The following STPG2 variants were observed in gnomAD, a reference collection of about 807,000 sequenced individuals.
STPG2 encodes sperm tail PG-rich repeat containing 2, also known as sperm-tail PG-rich repeat-containing protein 2.
Under a neutral mutation model 54.2 loss-of-function variants are expected in STPG2, and 56 were observed. The observed-to-expected ratio is 1.03, with a 90% CI of 0.83 to 1.29. The LOEUF is 1.29. Ranked by LOEUF, STPG2 falls within the 50% of genes most tolerant of loss-of-function variation. STPG2 has a pLI of 0.00. For missense variants in STPG2, 596 were observed against 544.9 expected (o/e 1.09, Z -0.93); for synonymous variants, 200 against 181.8 (o/e 1.10, Z -0.81).
chr4:97,908,064 C>A (rs1731517644), intron 8 of STPG2, among the ~76,000 whole-genome samples: 1 of 151,716 alleles, frequency 6.6e-6, no homozygotes, highest in African/African-American at 2.4e-5. Flanking sequence ...AAGAAACTAC[C>A]ATCAGAGTGA....
At chr4:97,737,975 C>T (rs1167426823) in intron 9 of STPG2, among the ~76,000 whole-genome samples, 1 of 152,118 alleles carries the variant, frequency 6.6e-6, no homozygotes, top group Non-Finnish European at 1.5e-5. Context: ...GGTCGGGTTA[C>T]CCACAAAGGG....
Position 98,065,164 on chromosome 4 carries a change from G to T in STPG2, c.612+40789C>A, listed in dbSNP as rs76371032. ...ACTAAAGGCATTCCCATAAAAAAGA[G>T]AATAAATGCCAGATAACACCATTAT... is the stretch of plus-strand genomic sequence containing the variant. On this transcript the variant is annotated intron_variant, in intron 5 of 10. Coordinates refer to ENST00000295268, the MANE Select transcript of STPG2 (RefSeq NM_174952.3). 7.0e-3 allele frequency among the ~76,000 whole-genome samples: 1,061 copies of T among 152,184 alleles called. 12 individuals carry two copies. Among genetic ancestry groups the T allele is most frequent in the African/African-American group, 0.024 (993 of 41,508 alleles).
chr4:97,674,117 T>C (rs1282532671), intron 10 of STPG2, among the ~76,000 whole-genome samples: 1 of 152,176 alleles, frequency 6.6e-6, no homozygotes, highest in Non-Finnish European at 1.5e-5. Context: ...TCTTCTCTAC[T>C]ACTTACCATT....
intron 4 of STPG2, among the ~76,000 whole-genome samples, chr4:97,486,896 CAA>C (rs1491321194): frequency 2.2e-4 from 32 of 144,336 alleles, no homozygotes; most frequent in African/African-American, 8.2e-4. Flanking sequence ...CACACACACA[CAA>C]TGGAATACTA....
At chr4:97,534,332 A>C (rs894541111) in intron 4 of STPG2, among the ~76,000 whole-genome samples, 7 of 152,092 alleles carry the variant, frequency 4.6e-5, no homozygotes, top group African/African-American at 1.7e-4. Flanking sequence ...GCGGTTTTTC[A>C]AGTCTGGAGA....
chr4:98,006,280 G>A (rs1735572755), intron 5 of STPG2, among the ~76,000 whole-genome samples: 1 of 152,176 alleles, frequency 6.6e-6, no homozygotes, highest in South Asian at 2.1e-4. Context: ...GGAAGAGAGT[G>A]TCCCTCTGTG....
intron 10 of STPG2, among the ~76,000 whole-genome samples, chr4:97,568,373 A>C (rs1732509469): frequency 6.6e-6 from 1 of 152,176 alleles, no homozygotes; most frequent in Non-Finnish European, 1.5e-5. Flanking sequence ...TTGATGTTAC[A>C]TCTCACATTG....
At chr4:97,601,373 A>G (rs1215856995) in intron 10 of STPG2, among the ~76,000 whole-genome samples, 2 of 152,096 alleles carry the variant, frequency 1.3e-5, no homozygotes, top group Admixed American at 6.6e-5. Flanking sequence ...ATCTTATATA[A>G]GTATAGATTC....
intron 4 of STPG2, among the ~76,000 whole-genome samples, chr4:97,486,860 AAC>A (rs772458069): frequency 0.096 from 11,998 of 125,368 alleles, 788 homozygotes; most frequent in African/African-American, 0.21. Flanking sequence ...TATGTATACA[AAC>A]ACACACACAC....
chr4:97,873,323 A>G (rs1730058058), intron 8 of STPG2, among the ~76,000 whole-genome samples: 1 of 151,340 alleles, frequency 6.6e-6, no homozygotes, highest in Non-Finnish European at 1.5e-5. Context: ...ATTTATTCCT[A>G]GATCACAGAG....
chr4:97,483,659 A>C (rs1298247591), intron 4 of STPG2, among the ~76,000 whole-genome samples: 1 of 151,824 alleles, frequency 6.6e-6, no homozygotes, highest in Non-Finnish European at 1.5e-5. Context: ...AGCACTAGAC[A>C]GGTCATGAAG....
intron 3 of STPG2, among the ~76,000 whole-genome samples, chr4:98,117,841 T>G (rs1259909151): frequency 1.3e-5 from 2 of 152,128 alleles, no homozygotes; most frequent in Non-Finnish European, 2.9e-5. Context: ...TACTTCCATT[T>G]AGTTCTTCAG....
chr4:97,661,907 C>T (rs1298519808), intron 10 of STPG2, among the ~76,000 whole-genome samples: 1 of 152,082 alleles, frequency 6.6e-6, no homozygotes, highest in Non-Finnish European at 1.5e-5. Context: ...TGAATTAAAA[C>T]TGAATAAGGA....
chr4:98,090,664 A>C (rs1738658813), intron 5 of STPG2, among the ~76,000 whole-genome samples: 1 of 151,998 alleles, frequency 6.6e-6, no homozygotes, highest in Non-Finnish European at 1.5e-5. Context: ...TTATTTTCAC[A>C]ATATTGATTC....
At chr4:97,973,762 G>A (rs1393782573) in intron 6 of STPG2, among the ~76,000 whole-genome samples, 1 of 14,962 alleles carries the variant, frequency 6.7e-5, no homozygotes, top group South Asian at 4.7e-3. Flanking sequence ...CGTGGTTTCA[G>A]AGGGTGCAAG....
At chr4:98,051,337 A>T (rs972324314) in intron 5 of STPG2, among the ~76,000 whole-genome samples, 1 of 152,194 alleles carries the variant, frequency 6.6e-6, no homozygotes, top group Non-Finnish European at 1.5e-5. Context: ...CACAAAATGA[A>T]GGTTTTTATG....
At chr4:97,705,764 C>T (rs1181635805) in intron 10 of STPG2, among the ~76,000 whole-genome samples, 1 of 151,668 alleles carries the variant, frequency 6.6e-6, no homozygotes, top group Admixed American at 6.6e-5. Context: ...TATAGTTTCT[C>T]CTTACTAGAT....
Position 97,558,932 on chromosome 4 carries a change from G to A in STPG2, c.*126C>T, listed in dbSNP as rs140142251. On this transcript the variant is annotated 3_prime_UTR_variant, in exon 11 of 11. Transcript: ENST00000295268. ...GTCATATAGTCACTAAAGCCTGAGC[G>A]AATGCCTGAACAAGTGAAAATTATG... 502 of 764,416 alleles carry A rather than the reference G, an allele frequency of 6.6e-4. 3 individuals are homozygous for A. The East Asian group carries it at 0.013, about 19-fold the overall frequency. 47.4% of individuals were successfully genotyped at this position (764,416 alleles called of 1,614,324 possible). A position where few individuals can be genotyped will look rare whatever the true frequency, so the allele number is the denominator to read the frequency against.
chr4:97,528,156 C>CA (rs1382992538), intron 4 of STPG2, among the ~76,000 whole-genome samples: 8 of 152,146 alleles, frequency 5.3e-5, no homozygotes, highest in Admixed American at 2.6e-4. Context: ...TCTTTAATCC[C>CA]ATCTTGAGTT....
Sources: gnomAD v4.1 joint callset for allele counts (sites outside exome capture counted in the v4.1 genomes callset) on GRCh38, gnomAD v4.1.1 for gene constraint, MANE v1.5 for transcripts, NCBI Gene and HGNC (gene_info 2026-07-23, HGNC 2026-07-21) for gene names.